The following UGT1A9 variants were observed in gnomAD, a reference collection of about 807,000 sequenced individuals.
UGT1A9 encodes UDP glucuronosyltransferase family 1 member A9, also known as UDP-glucuronosyltransferase 1A9.
A neutral mutation model predicts 45.0 loss-of-function variants in UGT1A9; 35 were observed. The observed-to-expected ratio is 0.78, with a 90% CI of 0.59 to 1.03. UGT1A9 has a LOEUF of 1.03. UGT1A9 is among the 50% of genes least tolerant of loss of function. UGT1A9 has a pLI of 0.00. For synonymous variants in UGT1A9, 278 were observed against 250.6 expected, an observed-to-expected ratio of 1.11 and a Z score of -1.03; for missense variants, 687 against 666.6, an observed-to-expected ratio of 1.03 and a Z score of -0.34.
chr2:233,682,342 A>C, intron 1 of UGT1A9: 1 of 1,614,112 alleles, frequency 6.2e-7, no homozygotes, highest in Non-Finnish European at 8.5e-7. Context: ...AATTAGTAGA[A>C]TACTTAAAGG....
chr2:233,757,027 T>C (rs1022147846), intron 1 of UGT1A9, among the ~76,000 whole-genome samples: 2 of 151,348 alleles, frequency 1.3e-5, no homozygotes, highest in African/African-American at 4.9e-5. Context: ...ACAAAGCAAT[T>C]TGAGAACATC....
chr2:233,746,863 GATAA>G lies in UGT1A9; in HGVS notation c.856-20169_856-20166del, dbSNP rs761863158. 2.4e-3 allele frequency among the ~76,000 whole-genome samples: 366 copies of G among 151,888 alleles called. 1 individual carries two copies. The highest frequency in any genetic ancestry group is 3.4e-3 in the Non-Finnish European group (229 of 68,012). The stretch of plus-strand genomic sequence containing the variant: ...ACCTCTCAGACCTCAGCTGCAGCCT[GATAA>G]ACGTGGTTAACAGAGAAGTAGGAGG... On this transcript the variant is annotated intron_variant, in intron 1 of 4. Transcript: ENST00000354728.
intron 1 of UGT1A9, among the ~76,000 whole-genome samples, chr2:233,698,607 A>G (rs974774486): frequency 6.6e-6 from 1 of 152,244 alleles, no homozygotes; most frequent in Admixed American, 6.5e-5. Context: ...GGATTAATAA[A>G]CAGTGGAATT....
chr2:233,725,676 T>G (rs889497108), intron 1 of UGT1A9, among the ~76,000 whole-genome samples: 6 of 152,226 alleles, frequency 3.9e-5, no homozygotes, highest in African/African-American at 9.6e-5. Flanking sequence ...TAGTCACATT[T>G]CAAGTGCTCA....
intron 1 of UGT1A9, among the ~76,000 whole-genome samples, chr2:233,763,573 CTCTT>C (rs1698348195): frequency 1.3e-5 from 2 of 152,188 alleles, no homozygotes; most frequent in African/African-American, 4.8e-5. Flanking sequence ...TTCTTATTTT[CTCTT>C]TCTTCCTTTG....
rs769720139 is a variant in UGT1A9 at position 233,772,367 on chromosome 2, C to T, written c.1401C>T (p.Gly467=). Reference sequence around the variant, plus strand: ...TGGAGTTTGTGATGAGGCACAAGGGCGCGCCACACCTGCGCCCCGCAGCCC... The same window carrying T: ...TGGAGTTTGTGATGAGGCACAAGGGTGCGCCACACCTGCGCCCCGCAGCCC... The part of the protein sequence containing the change: ...FWVEFVMRHK[G]APHLRPAAHD... Residue 467 remains glycine, a synonymous_variant, in exon 5 of 5, where the codon GGC becomes GGT. Transcript: ENST00000354728. The T allele has an allele frequency of 1.5e-5, 24 of 1,614,250 alleles. No individual in the cohort carries two copies. Among genetic ancestry groups the T allele is most frequent in the Admixed American group, 1.7e-5 (1 of 60,036 alleles).
rs1165153484 is a variant in UGT1A9 at position 233,672,570 on chromosome 2, G to A, written c.636G>A (p.Met212Ile). 3 of 1,613,830 alleles carry A rather than the reference G, an allele frequency of 1.9e-6. No homozygotes were observed. In the African/African-American group the frequency reaches 4.0e-5, roughly 22 times the overall value. The change falls in exon 1 of 5, where the codon ATG becomes ATA. Residue 212 changes from methionine (M) to isoleucine (I), a missense_variant. Physicochemically the swap from Met to Ile is conservative, Grantham distance 10. Transcript: ENST00000354728. ...TFKERVRNHI[M>I]HLEEHLLCHR... The stretch of plus-strand genomic sequence containing the variant: ...AGGAGAGAGTACGGAACCACATCAT[G>A]CACTTGGAGGAACATTTATTATGCC...
intron 1 of UGT1A9, chr2:233,740,675 C>T (rs946709661): frequency 1.3e-5 from 2 of 151,760 alleles, no homozygotes; most frequent in African/African-American, 2.4e-5. Flanking sequence ...CAGGTGTTTC[C>T]ATGGAGGGTG....
At chr2:233,701,242 A>G (rs1295860710) in intron 1 of UGT1A9, among the ~76,000 whole-genome samples, 2 of 152,144 alleles carry the variant, frequency 1.3e-5, no homozygotes, top group South Asian at 4.1e-4. Context: ...CCCAGTAATG[A>G]GATGGCTGGG....
intron 1 of UGT1A9, among the ~76,000 whole-genome samples, chr2:233,710,054 G>A (rs2076107374): frequency 6.6e-6 from 1 of 152,154 alleles, no homozygotes; most frequent in Non-Finnish European, 1.5e-5. Context: ...TCTTTGGCTC[G>A]GCATAATGTC....
chr2:233,748,080 G>T, intron 1 of UGT1A9: 3 of 1,613,126 alleles, frequency 1.9e-6, no homozygotes, highest in South Asian at 2.2e-5. Flanking sequence ...ACTATCTCAG[G>T]TCGGTGTTCG....
At position 233,672,099 on chromosome 2, in the gene UGT1A9, G is replaced by A. The variant is rs1427822669; in HGVS notation, c.165G>A (p.Val55=). The change falls in exon 1 of 5, where the codon GTG becomes GTA. Residue 55 remains valine (V), a synonymous_variant. Transcript: ENST00000354728. ...VEKLILRGHE[V]VVVMPEVSWQ... is the part of the protein sequence containing the mutation. Reference sequence around the variant, plus strand: ...AACTCATTCTCAGGGGGCATGAGGTGGTTGTAGTCATGCCAGAGGTGAGTT... The same window carrying A: ...AACTCATTCTCAGGGGGCATGAGGTAGTTGTAGTCATGCCAGAGGTGAGTT... 6.2e-7 allele frequency: 1 copy of A among 1,614,164 alleles called. No individual in the cohort carries two copies. The highest frequency in any genetic ancestry group is 1.7e-5 in the Admixed American group (1 of 60,022).
At chr2:233,699,728 C>T (rs1338916354) in intron 1 of UGT1A9, among the ~76,000 whole-genome samples, 1 of 152,204 alleles carries the variant, frequency 6.6e-6, no homozygotes, top group Non-Finnish European at 1.5e-5. Context: ...TTTTACGGAG[C>T]GTTTTCCCAG....
chr2:233,763,730 G>A (rs559647176), intron 1 of UGT1A9, among the ~76,000 whole-genome samples: 3 of 152,268 alleles, frequency 2.0e-5, no homozygotes, highest in Non-Finnish European at 4.4e-5. Context: ...GCACAACCTG[G>A]CATTGGCGTG....
chr2:233,705,136 G>GA (rs11336071), intron 1 of UGT1A9, among the ~76,000 whole-genome samples: 93 of 142,638 alleles, frequency 6.5e-4, no homozygotes, highest in East Asian at 1.9e-3. Context: ...GACTTCGTCT[G>GA]AAAAAAAAAA....
At chr2:233,691,426 G>A in intron 1 of UGT1A9, 1 of 985,576 alleles carries the variant, frequency 1.0e-6, no homozygotes, top group South Asian at 4.7e-5. Flanking sequence ...CTCTAATCAT[G>A]TTGCTCAGGC....
intron 1 of UGT1A9, chr2:233,713,166 G>A: frequency 6.2e-7 from 1 of 1,614,238 alleles, no homozygotes. Context: ...CCACCAGGTG[G>A]TGGTCCTCAC....
intron 1 of UGT1A9, among the ~76,000 whole-genome samples, chr2:233,701,976 G>A (rs1359333208): frequency 6.6e-6 from 1 of 151,918 alleles, no homozygotes; most frequent in Non-Finnish European, 1.5e-5. Context: ...CTAGTAAAAG[G>A]CAAGAAATAA....
chr2:233,744,344 C>T (rs1692781957), intron 1 of UGT1A9, among the ~76,000 whole-genome samples: 1 of 151,964 alleles, frequency 6.6e-6, no homozygotes, highest in South Asian at 2.1e-4. Flanking sequence ...CTGACTGGGG[C>T]TGAAGACATC....
Sources: gnomAD v4.1 joint callset for allele counts (sites outside exome capture counted in the v4.1 genomes callset) on GRCh38, gnomAD v4.1.1 for gene constraint, MANE v1.5 for transcripts, NCBI Gene and HGNC (gene_info 2026-07-23, HGNC 2026-07-21) for gene names.